Variants in PLEKHH2 observed in about 807,000 individuals in gnomAD.
PLEKHH2 encodes the protein pleckstrin homology, MyTH4 and FERM domain containing H2.
Under a neutral mutation model 187.9 loss-of-function variants are expected in PLEKHH2, and 129 were observed. That is an observed-to-expected ratio of 0.69 (90% CI 0.59 to 0.79). The LOEUF (loss-of-function observed/expected upper bound fraction) is 0.79, where lower values mean the gene tolerates loss of function less well. Ranked by LOEUF, PLEKHH2 falls within the 30% of genes least tolerant of loss-of-function variation. The pLI is 0.00. For missense variants in PLEKHH2, 2,076 were observed against 1,751.2 expected (o/e 1.19, Z -3.31); for synonymous variants, 686 against 605.6 (o/e 1.13, Z -1.95).
At chr2:43,707,756 T>TTC (rs1669733436) in intron 11 of PLEKHH2, among the ~76,000 whole-genome samples, 1 of 150,796 alleles carries the variant, frequency 6.6e-6, no homozygotes, top group African/African-American at 2.5e-5. Context: ...TTTTTTTTTT[T>TTC]CAGCTTTTTA....
chr2:43,731,207 A>G (rs1001114373), intron 18 of PLEKHH2, among the ~76,000 whole-genome samples: 1 of 152,202 alleles, frequency 6.6e-6, no homozygotes, highest in African/African-American at 2.4e-5. Context: ...AATCTCACAA[A>G]TCACTAAAGA....
Position 43,767,372 on chromosome 2 carries a change from T to C in PLEKHH2, c.*1774T>C, listed in dbSNP as rs1672657025. The C allele has an allele frequency of 6.6e-6, 1 of 152,374 alleles. No individual in the cohort carries two copies. Among genetic ancestry groups the C allele is most frequent in the Non-Finnish European group, 1.5e-5 (1 of 68,038 alleles). The allele number at this position is 152,374 out of a possible 1,614,324, so 9.4% of individuals were successfully genotyped here. ...GGGACAGAACTAAGAAATACATTGC[T>C]CAAATAATATTTTACTTTATTGATA... On this transcript the variant is annotated 3_prime_UTR_variant, in exon 30 of 30. Transcript: ENST00000282406.
Position 43,758,804 on chromosome 2 carries a change from A to G in PLEKHH2, c.3942-96A>G, listed in dbSNP as rs140619380. On this transcript the variant is annotated intron_variant, in intron 26 of 29. Transcript: ENST00000282406. The stretch of plus-strand genomic sequence containing the variant: ...ATGCCTAGGGATCACAGTTATGCTT[A>G]GGATTGGCTCAAGGAGAGTTTTATC... 1.2e-3 allele frequency: 1,346 copies of G among 1,077,666 alleles called. 14 individuals carry two copies. In the East Asian group the frequency reaches 0.018, roughly 14 times the overall value. The allele number at this position is 1,077,666 out of a possible 1,614,324, so 66.8% of individuals were successfully genotyped here.
intron 2 of PLEKHH2, 104 bp from the exon 3 acceptor site, chr2:43,678,759 G>GAGGCGGAGGTGC (rs1668005287): frequency 5.9e-6 from 4 of 678,618 alleles, no homozygotes; most frequent in Admixed American, 2.2e-5. Flanking sequence ...GGTGGAGGTG[G>GAGGCGGAGGTGC]AGGTGGAGGT....
chr2:43,643,089 C>A (rs1296865627), intron 1 of PLEKHH2, among the ~76,000 whole-genome samples: 1 of 152,086 alleles, frequency 6.6e-6, no homozygotes, highest in Non-Finnish European at 1.5e-5. Flanking sequence ...GAACTGTGAA[C>A]GTGTTTGTGA....
chr2:43,656,185 G>A (rs940667113), intron 2 of PLEKHH2, among the ~76,000 whole-genome samples: 1 of 152,108 alleles, frequency 6.6e-6, no homozygotes, highest in African/African-American at 2.4e-5. Flanking sequence ...TCGAACTCCT[G>A]ACCTCAAGTG....
intron 3 of PLEKHH2, chr2:43,681,106 T>G (rs1668153410): frequency 9.7e-7 from 1 of 1,027,610 alleles, no homozygotes; most frequent in African/African-American, 1.6e-5. Context: ...ACTCCAGAAT[T>G]ACTATGGTTG....
At chr2:43,697,884 T>C (rs1232614769) in intron 7 of PLEKHH2, among the ~76,000 whole-genome samples, 1 of 152,156 alleles carries the variant, frequency 6.6e-6, no homozygotes, top group African/African-American at 2.4e-5. Flanking sequence ...GAGGAAAATG[T>C]TTTCCTAGAT....
Position 43,691,222 on chromosome 2 carries a change from C to T in PLEKHH2, c.187-1292C>T, listed in dbSNP as rs751457784. The stretch of plus-strand genomic sequence containing the variant: ...TCACGACCAGGAAGAAGTAGTTGCA[C>T]GGACACTCAAAGAATGAGCAAGGCA... On this transcript the variant is annotated intron_variant, in intron 3 of 29. Coordinates refer to ENST00000282406, the MANE Select transcript of PLEKHH2 (RefSeq NM_172069.4). Among the ~76,000 whole-genome samples, 7 of 152,270 alleles carry T rather than the reference C, an allele frequency of 4.6e-5. No individual in the cohort carries two copies. In the South Asian group the frequency reaches 8.3e-4, roughly 18 times the overall value.
intron 4 of PLEKHH2, among the ~76,000 whole-genome samples, chr2:43,693,914 A>G (rs572695727): frequency 1.3e-5 from 2 of 151,750 alleles, no homozygotes; most frequent in South Asian, 4.2e-4. Context: ...GCTTTCTACC[A>G]CCCCTAGACC....
At chr2:43,695,554 A>T (rs1290993074) in intron 6 of PLEKHH2, among the ~76,000 whole-genome samples, 1 of 152,232 alleles carries the variant, frequency 6.6e-6, no homozygotes, top group Admixed American at 6.5e-5. Context: ...AGTTCCAGAG[A>T]GTCCAGCTTG....
chr2:43,736,137 T>C (rs574465456), intron 19 of PLEKHH2, among the ~76,000 whole-genome samples: 1 of 152,302 alleles, frequency 6.6e-6, no homozygotes, highest in East Asian at 1.9e-4. Context: ...TTACAGATGG[T>C]ATATTTGTAT....
At chr2:43,762,259 T>G in intron 27 of PLEKHH2, 45 bp from the exon 28 acceptor site, 1 of 1,373,518 alleles carries the variant, frequency 7.3e-7, no homozygotes, top group South Asian at 1.2e-5. Context: ...ATTCCTGTAA[T>G]TTTGCTTAGT....
At position 43,765,736 on chromosome 2, in the gene PLEKHH2, TTTTA is replaced by T. The variant is rs1417992748; in HGVS notation, c.*142_*145del. On this transcript the variant is annotated 3_prime_UTR_variant, in exon 30 of 30. Coordinates refer to ENST00000282406, the MANE Select transcript of PLEKHH2 (RefSeq NM_172069.4). The stretch of plus-strand genomic sequence containing the variant: ...CTTAACAATGAAGGGGGTTAGTCTC[TTTTA>T]TTTGATTCTTAAATATTCAAATAAA... The T allele has an allele frequency of 8.4e-6, 6 of 716,766 alleles. No individual in the cohort carries two copies. Among genetic ancestry groups the T allele is most frequent in the Non-Finnish European group, 1.3e-5 (6 of 472,866 alleles). 44.4% of individuals were successfully genotyped at this position (716,766 alleles called of 1,614,324 possible).
At chr2:43,765,356 T>C in intron 29 of PLEKHH2, 57 bp from the exon 30 acceptor site, 4 of 1,548,310 alleles carry the variant, frequency 2.6e-6, no homozygotes, top group Non-Finnish European at 3.5e-6. Flanking sequence ...CTTTACTCTC[T>C]TCTGGAAGTG....
intron 1 of PLEKHH2, among the ~76,000 whole-genome samples, chr2:43,643,352 G>A (rs967883658): frequency 6.6e-6 from 1 of 152,026 alleles, no homozygotes. Context: ...GCTTTAAGAA[G>A]CTGGGGTGCA....
intron 1 of PLEKHH2, among the ~76,000 whole-genome samples, chr2:43,640,512 C>A (rs1422905394): frequency 1.3e-5 from 2 of 152,148 alleles, no homozygotes; most frequent in East Asian, 3.9e-4. Flanking sequence ...TTTTCAGGAA[C>A]TGTAAAACTG....
intron 19 of PLEKHH2, among the ~76,000 whole-genome samples, chr2:43,737,516 C>G (rs1671351549): frequency 6.6e-6 from 1 of 152,184 alleles, no homozygotes; most frequent in South Asian, 2.1e-4. Flanking sequence ...CTGGGTGGTT[C>G]TGACTCATAG....
chr2:43,731,110 A>ATAGACTT (rs1671014307), intron 18 of PLEKHH2, among the ~76,000 whole-genome samples: 3 of 152,178 alleles, frequency 2.0e-5, no homozygotes, highest in Admixed American at 2.0e-4. Context: ...GAATGACACA[A>ATAGACTT]TAGACTTTGG....
Sources: gnomAD v4.1 joint callset for allele counts (sites outside exome capture counted in the v4.1 genomes callset) on GRCh38, gnomAD v4.1.1 for gene constraint, MANE v1.5 for transcripts, NCBI Gene and HGNC (gene_info 2026-07-23, HGNC 2026-07-21) for gene names.